The following PRKAG2 variants were observed in gnomAD, a reference collection of about 807,000 sequenced individuals.
PRKAG2 encodes 5'-AMP-activated protein kinase subunit gamma-2.
In PRKAG2, 26 loss-of-function variants were observed where a neutral mutation model predicts 69.6. That is an observed-to-expected ratio of 0.37 (90% CI 0.27 to 0.52). The LOEUF is 0.52. Ranked by LOEUF, PRKAG2 falls within the 20% of genes least tolerant of loss-of-function variation. PRKAG2 has a pLI of 0.90. For missense variants in PRKAG2, 557 were observed against 740.0 expected (o/e 0.75, Z 2.87); for synonymous variants, 293 against 285.0 (o/e 1.03, Z -0.28).
intron 5 of PRKAG2, among the ~76,000 whole-genome samples, chr7:151,599,614 C>T (rs554126080): frequency 1.3e-5 from 2 of 152,294 alleles, no homozygotes; most frequent in South Asian, 2.1e-4. Flanking sequence ...TCATCAGGCA[C>T]CAGATTCTCA....
intron 3 of PRKAG2, among the ~76,000 whole-genome samples, chr7:151,687,830 A>T (rs1191588589): frequency 1.3e-5 from 2 of 152,252 alleles, no homozygotes; most frequent in Admixed American, 1.3e-4. Context: ...GGGCGACAGG[A>T]AAAAGCACAC....
chr7:151,610,237 C>T (rs1818451479), intron 5 of PRKAG2, among the ~76,000 whole-genome samples: 1 of 151,974 alleles, frequency 6.6e-6, no homozygotes, highest in African/African-American at 2.4e-5. Context: ...GGCATGGTGG[C>T]GGGTGCCTGT....
intron 1 of PRKAG2, among the ~76,000 whole-genome samples, chr7:151,827,827 C>CCT (rs925364228): frequency 6.7e-6 from 1 of 150,032 alleles, no homozygotes; most frequent in African/African-American, 2.4e-5. Context: ...AGCCTACGTG[C>CCT]CTCCAAGGGC....
At chr7:151,753,689 T>C (rs2074866397) in intron 3 of PRKAG2, among the ~76,000 whole-genome samples, 1 of 152,114 alleles carries the variant, frequency 6.6e-6, no homozygotes, top group South Asian at 2.1e-4. Flanking sequence ...AGTGCTGGAA[T>C]TACAAGCGTG....
intron 1 of PRKAG2, among the ~76,000 whole-genome samples, chr7:151,792,844 T>C (rs2077327480): frequency 6.6e-6 from 1 of 152,202 alleles, no homozygotes; most frequent in Admixed American, 6.5e-5. Flanking sequence ...CTGGAGCTGC[T>C]GGGCCTTGCG....
intron 4 of PRKAG2, among the ~76,000 whole-genome samples, chr7:151,649,060 C>T (rs1340546934): frequency 2.6e-5 from 4 of 152,116 alleles, no homozygotes; most frequent in East Asian, 1.9e-4. Flanking sequence ...TCCCTTCACC[C>T]GAAGAGCAAG....
intron 1 of PRKAG2, among the ~76,000 whole-genome samples, chr7:151,853,075 A>G (rs1381244471): frequency 6.6e-6 from 1 of 152,214 alleles, no homozygotes. Flanking sequence ...CTCAGCCCTA[A>G]GTCACTTTTT....
chr7:151,714,541 C>T (rs1046721745), intron 3 of PRKAG2, among the ~76,000 whole-genome samples: 8 of 151,998 alleles, frequency 5.3e-5, no homozygotes, highest in South Asian at 2.1e-4. Flanking sequence ...CCTTGCCCTT[C>T]GTGTATCTGT....
chr7:151,803,415 G>A (rs75414522), intron 1 of PRKAG2, among the ~76,000 whole-genome samples: 1 of 152,090 alleles, frequency 6.6e-6, no homozygotes, highest in Non-Finnish European at 1.5e-5. Context: ...TCAAAGGGAG[G>A]CTTGTTACAA....
chr7:151,739,438 C>CTTTA (rs58335250), intron 3 of PRKAG2, among the ~76,000 whole-genome samples: 79,035 of 147,298 alleles, frequency 0.54, 21,555 homozygotes, highest in African/African-American at 0.55. Context: ...ATGACCCAGC[C>CTTTA]TTTATTTATT....
chr7:151,606,960 T>C (rs1328027348), intron 5 of PRKAG2, among the ~76,000 whole-genome samples: 1 of 152,366 alleles, frequency 6.6e-6, no homozygotes, highest in South Asian at 2.1e-4. Context: ...TGTTATAGGA[T>C]AGAAGCATAA....
intron 5 of PRKAG2, among the ~76,000 whole-genome samples, chr7:151,605,448 T>TAAAAAAAA: frequency 6.6e-6 from 1 of 151,986 alleles, no homozygotes; most frequent in Non-Finnish European, 1.5e-5. Context: ...TAAATTAAAT[T>TAAAAAAAA]TTATGGCTGG....
rs573879342 is a variant in PRKAG2, at chr7:151,766,552, T to C, written c.466+14600A>G. On this transcript the variant is annotated intron_variant, in intron 3 of 15. Transcript: ENST00000287878. The stretch of plus-strand genomic sequence containing the variant: ...GTAAAAGCAGAGTGCTGAGACCAGC[T>C]ATCACCCTGATTTGGAACACTGGCT... Among the ~76,000 whole-genome samples, 13 of 152,354 alleles carry C rather than the reference T, an allele frequency of 8.5e-5. No individual in the cohort carries two copies. The South Asian group carries it at 2.7e-3, about 32-fold the overall frequency.
intron 4 of PRKAG2, among the ~76,000 whole-genome samples, chr7:151,664,815 G>A (rs984632587): frequency 6.6e-6 from 1 of 152,150 alleles, no homozygotes; most frequent in Non-Finnish European, 1.5e-5. Context: ...TTGAGCCCTG[G>A]CCTCACCCAG....
chr7:151,613,394 G>A (rs1172260615), intron 5 of PRKAG2, among the ~76,000 whole-genome samples: 2 of 152,064 alleles, frequency 1.3e-5, no homozygotes, highest in East Asian at 3.8e-4. Flanking sequence ...TTCAGATTTT[G>A]GATTTTTGAA....
intron 3 of PRKAG2, among the ~76,000 whole-genome samples, chr7:151,762,206 C>T (rs78262012): frequency 0.016 from 2,410 of 152,236 alleles, 72 homozygotes; most frequent in African/African-American, 0.054. Context: ...GGGGAGAAGA[C>T]GAGAGGAAGG....
chr7:151,652,109 G>C (rs1482509505), intron 4 of PRKAG2, among the ~76,000 whole-genome samples: 1 of 152,102 alleles, frequency 6.6e-6, no homozygotes. Context: ...ATTCTGTATT[G>C]TATACACATA....
chr7:151,647,322 C>T (rs1827737576), intron 4 of PRKAG2, among the ~76,000 whole-genome samples: 1 of 152,232 alleles, frequency 6.6e-6, no homozygotes. Flanking sequence ...TGCTGCTTTG[C>T]AGCCAGAAAC....
intron 3 of PRKAG2, among the ~76,000 whole-genome samples, chr7:151,732,691 C>T (rs1245277032): frequency 6.6e-6 from 1 of 152,066 alleles, no homozygotes; most frequent in Non-Finnish European, 1.5e-5. Context: ...AGAAAAGGCA[C>T]CCAGAGTGGT....
Sources: allele counts gnomAD v4.1 joint callset (sites outside exome capture counted in the v4.1 genomes callset), GRCh38; gene constraint gnomAD v4.1.1; transcripts MANE v1.5; gene names NCBI Gene and HGNC (gene_info 2026-07-23, HGNC 2026-07-21).